The following HSD17B6 variants were observed in gnomAD, a reference collection of about 807,000 sequenced individuals.
HSD17B6 encodes 17-beta-hydroxysteroid dehydrogenase type 6.
In HSD17B6, 16 loss-of-function variants were observed where a neutral mutation model predicts 26.4. The observed-to-expected ratio is 0.61, with a 90% CI of 0.41 to 0.92. HSD17B6 has a LOEUF of 0.92. HSD17B6 is among the 40% of genes least tolerant of loss of function. The pLI is 0.00. For missense variants in HSD17B6, 357 were observed against 386.1 expected (o/e 0.92, Z 0.63); for synonymous variants, 139 against 153.0 (o/e 0.91, Z 0.68).
intron 1 of HSD17B6, among the ~76,000 whole-genome samples, chr12:56,772,708 A>G (rs940139387): frequency 5.2e-5 from 6 of 116,282 alleles, no homozygotes; most frequent in African/African-American, 2.6e-4. Flanking sequence ...AAAAAAAAAA[A>G]AAAAAGAAAA....
rs1954720261 is a variant in HSD17B6 at position 56,781,830 on chromosome 12, T to C, written c.314-144T>C. On this transcript the variant is annotated intron_variant, in intron 2 of 4. Coordinates refer to ENST00000322165, the MANE Select transcript of HSD17B6 (RefSeq NM_003725.4). ...AAAAAAGTTATATTTAGCAAACTTG[T>C]ATGTTATATCATTTGGGCTGCAAAC... is the stretch of plus-strand genomic sequence containing the variant. 5 of 830,230 alleles carry C rather than the reference T, an allele frequency of 6.0e-6. No homozygotes were observed. In the Admixed American group the frequency reaches 1.3e-4, roughly 21 times the overall value. The allele number at this position is 830,230 out of a possible 1,614,324, so 51.4% of individuals were successfully genotyped here.
chr12:56,783,777 A>G (rs71470424), intron 3 of HSD17B6, among the ~76,000 whole-genome samples: 135 of 80,080 alleles, frequency 1.7e-3, no homozygotes, highest in East Asian at 2.8e-3. Context: ...GGGCAGAGGC[A>G]CCCCTCACCT....
intron 3 of HSD17B6, among the ~76,000 whole-genome samples, chr12:56,784,440 C>T (rs916411340): frequency 3.9e-5 from 6 of 152,154 alleles, no homozygotes; most frequent in African/African-American, 9.7e-5. Context: ...CTTGGGAGGC[C>T]AAGGCTGGCG....
At chr12:56,775,836 G>A (rs567621410) in intron 2 of HSD17B6, among the ~76,000 whole-genome samples, 43 of 152,214 alleles carry the variant, frequency 2.8e-4, no homozygotes, top group African/African-American at 9.4e-4. Context: ...AGTCCCTCGT[G>A]CTTTACATAT....
At chr12:56,779,496 A>AT (rs1236583596) in intron 2 of HSD17B6, among the ~76,000 whole-genome samples, 1 of 151,652 alleles carries the variant, frequency 6.6e-6, no homozygotes, top group Non-Finnish European at 1.5e-5. Flanking sequence ...TATTTGTCCC[A>AT]TTTTTTCCTG....
At chr12:56,787,095 G>A (rs753561618) in intron 4 of HSD17B6, 30 bp from the exon 5 acceptor site, 1 of 1,508,022 alleles carries the variant, frequency 6.6e-7, no homozygotes, top group Non-Finnish European at 9.2e-7. Context: ...GAATAAGATT[G>A]TTGACCACCA....
At chr12:56,771,039 TGG>T (rs1287692672) in intron 1 of HSD17B6, among the ~76,000 whole-genome samples, 1 of 152,202 alleles carries the variant, frequency 6.6e-6, no homozygotes, top group Admixed American at 6.5e-5. Context: ...TCTTGGGCAC[TGG>T]TCAGCCAATG....
intron 2 of HSD17B6, among the ~76,000 whole-genome samples, chr12:56,779,303 TTAAAA>T (rs1368894863): frequency 2.0e-5 from 3 of 152,058 alleles, no homozygotes; most frequent in Non-Finnish European, 2.9e-5. Flanking sequence ...CTTAGCTAAC[TTAAAA>T]TAAAAAAGTT....
intron 2 of HSD17B6, among the ~76,000 whole-genome samples, chr12:56,779,286 C>T (rs1274120305): frequency 1.3e-5 from 2 of 151,996 alleles, no homozygotes; most frequent in African/African-American, 2.4e-5. Context: ...AGGTGTGCAC[C>T]ACCACACTTA....
intron 1 of HSD17B6, among the ~76,000 whole-genome samples, chr12:56,769,035 T>TG (rs1954408788): frequency 1.5e-5 from 1 of 65,044 alleles, no homozygotes; most frequent in Admixed American, 1.6e-4. Flanking sequence ...TAGAGGGGAG[T>TG]GGGGGGAGGG....
Position 56,782,194 on chromosome 12 carries a change from C to T in HSD17B6, c.534C>T (p.Val178=), listed in dbSNP as rs759667910. The change falls in exon 3 of 5, where the codon GTC becomes GTT. Residue 178 remains valine, a synonymous_variant. Coordinates refer to ENST00000322165, the MANE Select transcript of HSD17B6 (RefSeq NM_003725.4). ...RVAFFVGGYC[V]SKYGVEAFSD... ...CTTTCTTTGTAGGAGGCTACTGTGT[C>T]TCCAAGTATGGAGTGGAAGCCTTTT... The T allele has an allele frequency of 3.7e-6, 6 of 1,614,054 alleles. No individual in the cohort carries two copies. The African/African-American group carries it at 8.0e-5, about 22-fold the overall frequency.
At chr12:56,787,065 C>T in intron 4 of HSD17B6, 60 bp from the exon 5 acceptor site, 1 of 1,301,214 alleles carries the variant, frequency 7.7e-7, no homozygotes, top group Non-Finnish European at 1.1e-6. Flanking sequence ...TCTGTGACTG[C>T]ATGATCTTAA....
Position 56,787,500 on chromosome 12 carries a change from C to T in HSD17B6, c.*158C>T. On this transcript the variant is annotated 3_prime_UTR_variant, in exon 5 of 5. Transcript: ENST00000322165. ...TCAGAGTACTAACATGTTTATATTTCAGATATCCAAAGCTTACCACTTTAG... is the reference window on the plus strand; with the variant it reads ...TCAGAGTACTAACATGTTTATATTTTAGATATCCAAAGCTTACCACTTTAG... 1.6e-6 allele frequency: 1 copy of T among 607,866 alleles called. No individual in the cohort carries two copies. The highest frequency in any genetic ancestry group is 2.8e-5 in the East Asian group (1 of 36,164). 37.7% of individuals were successfully genotyped at this position (607,866 alleles called of 1,614,324 possible). A position where few individuals can be genotyped will look rare whatever the true frequency, so the allele number is the denominator to read the frequency against.
At position 56,763,501 on chromosome 12, in the gene HSD17B6, T is replaced by C. The variant is rs1954252275; in HGVS notation, c.-20+87T>C. ...TGTGTGTAGGGGATATGGGATATGG[T>C]CTGTTTGGAGACAGGTTTTGATTAT... On this transcript the variant is annotated intron_variant, in intron 1 of 4. Coordinates refer to ENST00000322165, the MANE Select transcript of HSD17B6 (RefSeq NM_003725.4). The C allele has an allele frequency of 2.0e-5, 3 of 151,510 alleles. No homozygotes were observed. The South Asian group carries it at 6.3e-4, about 32-fold the overall frequency. 9.4% of individuals were successfully genotyped at this position (151,510 alleles called of 1,614,324 possible). A position where few individuals can be genotyped will look rare whatever the true frequency, so the allele number is the denominator to read the frequency against.
At position 56,782,092 on chromosome 12, in the gene HSD17B6, G is replaced by T; in HGVS notation, c.432G>T (p.Val144=). Residue 144 remains valine (V), a synonymous_variant, in exon 3 of 5, where the codon GTG becomes GTT. Coordinates refer to ENST00000322165, the MANE Select transcript of HSD17B6 (RefSeq NM_003725.4). ...TGAACCTCATTGGTGTGATCCAGGTGACCTTGAGCATGCTTCCTTTGGTGA... is the reference window on the plus strand; with the variant it reads ...TGAACCTCATTGGTGTGATCCAGGTTACCTTGAGCATGCTTCCTTTGGTGA... The part of the protein sequence containing the change: ...LKVNLIGVIQ[V]TLSMLPLVRR... The T allele has an allele frequency of 6.2e-7, 1 of 1,614,180 alleles. No individual in the cohort carries two copies.
chr12:56,768,343 G>A (rs1355871629), intron 1 of HSD17B6, among the ~76,000 whole-genome samples: 1 of 152,094 alleles, frequency 6.6e-6, no homozygotes, highest in South Asian at 2.1e-4. Context: ...CAAGGAGCTC[G>A]TGGGTGGCAA....
chr12:56,767,656 ATATATATAGTG>A (rs1954367214), intron 1 of HSD17B6, among the ~76,000 whole-genome samples: 1 of 144,580 alleles, frequency 6.9e-6, no homozygotes, highest in African/African-American at 2.5e-5. Flanking sequence ...TATATATATT[ATATATATAGTG>A]TATATATTAT....
intron 4 of HSD17B6, 131 bp from the exon 5 acceptor site, chr12:56,786,994 A>G: frequency 1.2e-5 from 8 of 662,914 alleles, no homozygotes; most frequent in African/African-American, 1.8e-5. Context: ...GCTAGTGGCT[A>G]TCATATTGGG....
At chr12:56,785,646 G>T (rs1363977766) in intron 4 of HSD17B6, among the ~76,000 whole-genome samples, 1 of 152,220 alleles carries the variant, frequency 6.6e-6, no homozygotes, top group South Asian at 2.1e-4. Flanking sequence ...GCACTAGGAG[G>T]TATTACATAC....
Sources: gnomAD v4.1 joint callset for allele counts (sites outside exome capture counted in the v4.1 genomes callset) on GRCh38, gnomAD v4.1.1 for gene constraint, MANE v1.5 for transcripts, NCBI Gene and HGNC (gene_info 2026-07-23, HGNC 2026-07-21) for gene names.